Variants in ATF6 observed in about 807,000 individuals in gnomAD.
The protein encoded by ATF6 is cyclic AMP-dependent transcription factor ATF-6 alpha.
ATF6 carries 53 observed loss-of-function variants against 83.6 expected under a neutral mutation model. The ratio of observed to expected loss-of-function variants is 0.63; its 90% confidence interval spans 0.51 to 0.80. The LOEUF (loss-of-function observed/expected upper bound fraction) is 0.80. Among genes scored for constraint, ATF6 ranks in the 30% least tolerant of loss-of-function variants. ATF6 has a pLI of 0.00. For missense variants in ATF6, 744 were observed against 797.9 expected (o/e 0.93, Z 0.81); for synonymous variants, 288 against 285.8 (o/e 1.01, Z -0.08).
chr1:161,812,620 C>T (rs1685502819), intron 7 of ATF6, among the ~76,000 whole-genome samples: 1 of 151,804 alleles, frequency 6.6e-6, no homozygotes, highest in South Asian at 2.1e-4. Flanking sequence ...TCTCGATCTC[C>T]TGACCTCGTG....
chr1:161,860,735 TTA>T (rs1223077433), intron 13 of ATF6, among the ~76,000 whole-genome samples: 1 of 152,054 alleles, frequency 6.6e-6, no homozygotes, highest in Non-Finnish European at 1.5e-5. Flanking sequence ...GTCAAATCAT[TTA>T]TTTTTTTTGT....
intron 11 of ATF6, among the ~76,000 whole-genome samples, chr1:161,852,694 C>T (rs935099146): frequency 6.6e-6 from 1 of 152,100 alleles, no homozygotes; most frequent in Non-Finnish European, 1.5e-5. Context: ...CTCACCGCTT[C>T]CCCAAACTCC....
chr1:161,768,013 G>T (rs937843809), intron 1 of ATF6, among the ~76,000 whole-genome samples: 9 of 151,998 alleles, frequency 5.9e-5, no homozygotes, highest in Non-Finnish European at 1.0e-4. Flanking sequence ...GCACCACCAC[G>T]CCCGGCTAAT....
intron 14 of ATF6, among the ~76,000 whole-genome samples, chr1:161,883,941 GGCTTTTGGGTCA>G (rs953831735): frequency 2.8e-4 from 42 of 152,038 alleles, no homozygotes; most frequent in African/African-American, 1.0e-3. Flanking sequence ...TTAGGTCTGA[GGCTTTTGGGTCA>G]GCTTTTAAAA....
chr1:161,883,442 T>C (rs1333731550), intron 14 of ATF6, among the ~76,000 whole-genome samples: 1 of 152,026 alleles, frequency 6.6e-6, no homozygotes, highest in Non-Finnish European at 1.5e-5. Context: ...GAAAACTGAG[T>C]AACAGCAGAC....
chr1:161,910,841 A>G (rs1371032146), intron 14 of ATF6, among the ~76,000 whole-genome samples: 2 of 152,170 alleles, frequency 1.3e-5, no homozygotes, highest in Non-Finnish European at 1.5e-5. Flanking sequence ...AAAACAAAAA[A>G]TTCCCTTGCT....
chr1:161,842,770 GAT>G (rs1349362968), intron 9 of ATF6, among the ~76,000 whole-genome samples: 1 of 152,112 alleles, frequency 6.6e-6, no homozygotes, highest in Non-Finnish European at 1.5e-5. Flanking sequence ...TTTAAAAAAA[GAT>G]AATTATTAAT....
intron 15 of ATF6, among the ~76,000 whole-genome samples, chr1:161,955,021 C>T (rs1447517391): frequency 6.6e-6 from 1 of 152,132 alleles, no homozygotes; most frequent in Non-Finnish European, 1.5e-5. Context: ...TATACATTTA[C>T]AAAAATGGTT....
chr1:161,860,011 C>T (rs1557999461), intron 12 of ATF6, among the ~76,000 whole-genome samples, 196 bp from the exon 13 acceptor site: 1 of 152,052 alleles, frequency 6.6e-6, no homozygotes. Context: ...CCTTAATCTC[C>T]ATAAGACACT....
chr1:161,783,885 C>A (rs1684689802), intron 3 of ATF6, 105 bp from the exon 4 acceptor site: 1 of 790,882 alleles, frequency 1.3e-6, no homozygotes, highest in African/African-American at 1.7e-5. Flanking sequence ...ACCTTAGCTT[C>A]CATATCTGAT....
chr1:161,808,566 T>TTTTA (rs1359611344), intron 7 of ATF6, among the ~76,000 whole-genome samples: 1 of 152,024 alleles, frequency 6.6e-6, no homozygotes, highest in Admixed American at 6.6e-5. Context: ...TTTTTTAAAT[T>TTTTA]TTTATTTATT....
At chr1:161,823,866 C>T (rs951089969) in intron 9 of ATF6, among the ~76,000 whole-genome samples, 5 of 152,176 alleles carry the variant, frequency 3.3e-5, no homozygotes, top group South Asian at 2.1e-4. Flanking sequence ...TGCCCAACTG[C>T]TGCCGTAATT....
At chr1:161,793,885 A>T (rs776344944) in intron 6 of ATF6, among the ~76,000 whole-genome samples, 11 of 151,910 alleles carry the variant, frequency 7.2e-5, no homozygotes, top group Non-Finnish European at 1.2e-4. Context: ...GCATGTGCTA[A>T]TATGAGGAAC....
chr1:161,854,367 A>C (rs910439149), intron 12 of ATF6, among the ~76,000 whole-genome samples: 3 of 152,232 alleles, frequency 2.0e-5, no homozygotes, highest in Admixed American at 2.0e-4. Context: ...ATGTTAGGGA[A>C]GAAAGAGTTT....
intron 6 of ATF6, among the ~76,000 whole-genome samples, chr1:161,794,533 C>T (rs930151189): frequency 7.9e-5 from 12 of 151,966 alleles, no homozygotes; most frequent in East Asian, 1.9e-4. Flanking sequence ...AGTCTGGTCT[C>T]GAATTCTTGG....
intron 9 of ATF6, among the ~76,000 whole-genome samples, 197 bp from the exon 10 acceptor site, chr1:161,846,252 G>A (rs1188229959): frequency 6.6e-6 from 1 of 152,058 alleles, no homozygotes; most frequent in Non-Finnish European, 1.5e-5. Context: ...TAGAAAAATT[G>A]TTTTTGATAT....
At chr1:161,894,057 T>A (rs1398019674) in intron 14 of ATF6, among the ~76,000 whole-genome samples, 1 of 152,158 alleles carries the variant, frequency 6.6e-6, no homozygotes, top group Non-Finnish European at 1.5e-5. Context: ...AATTAATCTC[T>A]TTGTGATTTT....
chr1:161,914,812 C>G (rs963554989), intron 15 of ATF6, among the ~76,000 whole-genome samples: 1 of 152,278 alleles, frequency 6.6e-6, no homozygotes, highest in African/African-American at 2.4e-5. Context: ...GTGAACACCC[C>G]TTACTTCCTG....
At chr1:161,811,768 CA>C (rs1685468609) in intron 7 of ATF6, among the ~76,000 whole-genome samples, 4 of 137,418 alleles carry the variant, frequency 2.9e-5, no homozygotes, top group African/African-American at 1.0e-4. Context: ...ACCATCCATC[CA>C]TCCATCCATC....
Sources: gnomAD v4.1 joint callset for allele counts (sites outside exome capture counted in the v4.1 genomes callset) on GRCh38, gnomAD v4.1.1 for gene constraint, MANE v1.5 for transcripts, NCBI Gene and HGNC (gene_info 2026-07-23, HGNC 2026-07-21) for gene names.